SYNE1: variants seen among roughly 807,000 people sequenced by gnomAD.
The protein encoded by SYNE1 is spectrin repeat containing nuclear envelope protein 1, also known as nesprin-1.
Under a neutral mutation model 1,111.0 loss-of-function variants are expected in SYNE1, and 616 were observed. The observed-to-expected ratio is 0.55, with a 90% CI of 0.52 to 0.59. The LOEUF (loss-of-function observed/expected upper bound fraction) is 0.59, where lower values mean the gene tolerates loss of function less well. SYNE1 is among the 20% of genes least tolerant of loss of function. SYNE1 has a pLI of 0.00. For synonymous variants in SYNE1, 3,855 were observed against 3,825.8 expected (o/e 1.01, Z -0.28); for missense variants, 10,006 against 10,417.0 (o/e 0.96, Z 1.72).
At chr6:152,499,579 T>C (rs1480580558) in intron 10 of SYNE1, among the ~76,000 whole-genome samples, 2 of 152,132 alleles carry the variant, frequency 1.3e-5, no homozygotes, top group Non-Finnish European at 2.9e-5. Context: ...TACTTTGAGG[T>C]GAGGGCTCAA....
chr6:152,192,199 G>T (rs1563364308), intron 127 of SYNE1, among the ~76,000 whole-genome samples: 1 of 152,166 alleles, frequency 6.6e-6, no homozygotes. Flanking sequence ...TCCATATGCT[G>T]GGGAGAAGAA....
intron 3 of SYNE1, among the ~76,000 whole-genome samples, chr6:152,610,396 G>C (rs2099627960): frequency 6.6e-6 from 1 of 152,160 alleles, no homozygotes; most frequent in Admixed American, 6.5e-5. Flanking sequence ...AAGAGTATCA[G>C]TAATTGAAGA....
intron 107 of SYNE1, among the ~76,000 whole-genome samples, chr6:152,241,500 C>CTGTGTGTGTGTGTGTG (rs1231628952): frequency 0.083 from 6,111 of 73,948 alleles, 228 homozygotes; most frequent in Admixed American, 0.17. Context: ...AATGCAAGAG[C>CTGTGTGTGTGTGTGTG]TGTGTGTGTG....
chr6:152,375,065 C>CA (rs1262453700), intron 58 of SYNE1, among the ~76,000 whole-genome samples: 1 of 151,850 alleles, frequency 6.6e-6, no homozygotes, highest in Non-Finnish European at 1.5e-5. Context: ...CTCAGCCTCC[C>CA]AAGTAGATAG....
chr6:152,389,727 C>T (rs2097578657), intron 53 of SYNE1, among the ~76,000 whole-genome samples: 1 of 152,184 alleles, frequency 6.6e-6, no homozygotes, highest in Admixed American at 6.5e-5. Flanking sequence ...GATGGACTGA[C>T]TCTTGGTTGT....
chr6:152,279,666 G>A (rs2093903684), intron 97 of SYNE1, among the ~76,000 whole-genome samples: 1 of 148,484 alleles, frequency 6.7e-6, no homozygotes, highest in African/African-American at 2.5e-5. Flanking sequence ...GCAGTGGGCT[G>A]AGGTTGCACC....
At chr6:152,132,741 A>G (rs1396595335) in intron 143 of SYNE1, among the ~76,000 whole-genome samples, 1 of 152,236 alleles carries the variant, frequency 6.6e-6, no homozygotes, top group East Asian at 1.9e-4. Context: ...TTCACAGCAG[A>G]ATGGTTGAAA....
chr6:152,184,695 C>G (rs1256360528), intron 128 of SYNE1, among the ~76,000 whole-genome samples: 1 of 151,816 alleles, frequency 6.6e-6, no homozygotes, highest in Non-Finnish European at 1.5e-5. Context: ...ATATTAAATC[C>G]CTTGTGTTTA....
Position 152,206,216 on chromosome 6 carries a change from G to A in SYNE1, c.22971C>T (p.Ala7657=), listed in dbSNP as rs1324942828. 1 of 1,613,752 alleles carries A rather than the reference G, an allele frequency of 6.2e-7. No individual in the cohort carries two copies. The highest frequency in any genetic ancestry group is 8.5e-7 in the Non-Finnish European group (1 of 1,180,008). Residue 7657 remains alanine, a synonymous_variant, in exon 126 of 146, where the codon GCC becomes GCT. Coordinates refer to ENST00000367255, the MANE Select transcript of SYNE1 (RefSeq NM_182961.4). ...TCTTCTGTTCTTCCAGCCGCATGCTGGCTGATTTCCATTTCTCTTGGATTT... is the reference window on the plus strand; with the variant it reads ...TCTTCTGTTCTTCCAGCCGCATGCTAGCTGATTTCCATTTCTCTTGGATTT... ...LAEIQEKWKS[A]SMRLEEQKKK...
Position 152,325,096 on chromosome 6 carries a change from G to A in SYNE1, c.15645C>T (p.Gly5215=). ...CAGTGGAAACTACCTTGTTGTTAAA[G>A]CCCGTCCACTCATCCACTGCATCTT... ...ILEDAVDEWT[G]FNNKVKKATE... The change falls in exon 81 of 146, where the codon GGC becomes GGT. Residue 5215 remains glycine (G), a synonymous_variant. Coordinates refer to ENST00000367255, the MANE Select transcript of SYNE1 (RefSeq NM_182961.4). 2 of 1,614,058 alleles carry A rather than the reference G, an allele frequency of 1.2e-6. No individual in the cohort carries two copies. Among genetic ancestry groups the A allele is most frequent in the Non-Finnish European group, 1.7e-6 (2 of 1,180,032 alleles).
chr6:152,573,877 G>C (rs147366198), intron 3 of SYNE1, among the ~76,000 whole-genome samples: 1 of 152,048 alleles, frequency 6.6e-6, no homozygotes, highest in Admixed American at 6.6e-5. Context: ...AAACAAAACA[G>C]GTTCATTGTT....
intron 78 of SYNE1, 59 bp downstream of exon 78, chr6:152,329,671 G>A: frequency 1.9e-6 from 3 of 1,611,006 alleles, no homozygotes; most frequent in South Asian, 1.1e-5. Context: ...CGAATTTCTT[G>A]TACCTGTTTA....
At chr6:152,251,627 C>A (rs979681236) in intron 104 of SYNE1, among the ~76,000 whole-genome samples, 10 of 150,750 alleles carry the variant, frequency 6.6e-5, no homozygotes, top group Non-Finnish European at 3.0e-5. Flanking sequence ...GGCGTAGTGG[C>A]GGGCGCCTGT....
chr6:152,383,387 T>C (rs1240743377), intron 55 of SYNE1, among the ~76,000 whole-genome samples: 1 of 152,256 alleles, frequency 6.6e-6, no homozygotes, highest in East Asian at 1.9e-4. Context: ...TAAATCCATG[T>C]AACCTGGTTT....
intron 86 of SYNE1, 116 bp downstream of exon 86, chr6:152,317,965 A>C: frequency 3.1e-5 from 41 of 1,303,890 alleles, no homozygotes; most frequent in Non-Finnish European, 4.2e-5. Context: ...CACCTAAACT[A>C]CTCTCTCATT....
Position 152,520,559 on chromosome 6 carries a change from A to G in SYNE1, c.226-17T>C. Reference sequence around the variant, plus strand: ...TTCACAAGGCTGTAAAAAGTGGGGTAAAAAAGGGAATGAGACAAAATCTGC... The same window carrying G: ...TTCACAAGGCTGTAAAAAGTGGGGTGAAAAAGGGAATGAGACAAAATCTGC... On this transcript the variant is annotated splice_polypyrimidine_tract_variant and intron_variant, in intron 5 of 145. Transcript: ENST00000367255. The G allele has an allele frequency of 6.2e-7, 1 of 1,612,750 alleles. No homozygotes were observed. The highest frequency in any genetic ancestry group is 8.5e-7 in the Non-Finnish European group (1 of 1,178,974).
At chr6:152,489,200 T>C (rs1267558050) in intron 11 of SYNE1, among the ~76,000 whole-genome samples, 1 of 152,178 alleles carries the variant, frequency 6.6e-6, no homozygotes, top group Non-Finnish European at 1.5e-5. Context: ...AGTGAAAATA[T>C]CCTAACTTTT....
rs573406966 is a variant in SYNE1, at chr6:152,262,614, A to G, written c.18816-426T>C. ...AGGAGGGTACAACAGGACACAGAGA[A>G]ATAGTACAGGGCCTGGAAAGGTAGT... On this transcript the variant is annotated intron_variant, in intron 100 of 145. Transcript: ENST00000367255. Among the ~76,000 whole-genome samples the G allele has an allele frequency of 2.0e-5, 3 of 152,242 alleles. No homozygotes were observed. The East Asian group carries it at 5.8e-4, about 29-fold the overall frequency.
chr6:152,241,608 C>G (rs2085732532), intron 107 of SYNE1, among the ~76,000 whole-genome samples: 1 of 151,088 alleles, frequency 6.6e-6, no homozygotes. Flanking sequence ...TGATTTCGGG[C>G]CTCCCAAGTT....
Sources: gnomAD v4.1 joint callset for allele counts (sites outside exome capture counted in the v4.1 genomes callset) on GRCh38, gnomAD v4.1.1 for gene constraint, MANE v1.5 for transcripts, NCBI Gene and HGNC (gene_info 2026-07-23, HGNC 2026-07-21) for gene names.